The following WDPCP variants were observed in gnomAD, a reference collection of about 807,000 sequenced individuals.
The protein encoded by WDPCP is WD repeat containing planar cell polarity effector.
A neutral mutation model predicts 93.1 loss-of-function variants in WDPCP; 71 were observed. The ratio of observed to expected loss-of-function variants is 0.76; its 90% CI spans 0.63 to 0.93. WDPCP has a LOEUF of 0.93. Among genes scored for constraint, WDPCP ranks in the 40% least tolerant of loss-of-function variants. WDPCP has a pLI of 0.00. For missense variants in WDPCP, 844 were observed against 887.4 expected, an observed-to-expected ratio of 0.95 and a Z score of 0.62; for synonymous variants, 315 against 315.0, an observed-to-expected ratio of 1.00 and a Z score of 0.00.
At chr2:63,794,759 T>C (rs1261700259) in intron 2 of WDPCP, among the ~76,000 whole-genome samples, 3 of 152,226 alleles carry the variant, frequency 2.0e-5, no homozygotes, top group South Asian at 2.1e-4. Context: ...GCTGAAAGCA[T>C]TCTAAGTGAT....
intron 1 of WDPCP, among the ~76,000 whole-genome samples, chr2:63,825,479 G>A (rs1671099193): frequency 6.6e-6 from 1 of 152,008 alleles, no homozygotes; most frequent in African/African-American, 2.4e-5. Flanking sequence ...AGCACCTCGA[G>A]CCAAAAGAGT....
At chr2:63,520,535 A>G (rs1416476653) in intron 1 of WDPCP, among the ~76,000 whole-genome samples, 1 of 152,210 alleles carries the variant, frequency 6.6e-6, no homozygotes, top group African/African-American at 2.4e-5. Context: ...CTTACTGCAG[A>G]TCTGTCAGCA....
At chr2:63,835,981 A>G in the WDPCP span, among the ~76,000 whole-genome samples, 2 of 152,096 alleles carry the variant, frequency 1.3e-5, no homozygotes, top group Non-Finnish European at 2.9e-5. Flanking sequence ...TAGCCTCCCA[A>G]GTAGCTAGGA....
intron 1 of WDPCP, among the ~76,000 whole-genome samples, chr2:63,565,838 C>A (rs1245881980): frequency 2.0e-5 from 3 of 152,100 alleles, no homozygotes; most frequent in African/African-American, 4.8e-5. Flanking sequence ...AACTCTTATC[C>A]TTGACATCTC....
intron 14 of WDPCP, among the ~76,000 whole-genome samples, chr2:63,220,064 C>T (rs934776296): frequency 1.3e-5 from 2 of 151,984 alleles, no homozygotes; most frequent in Non-Finnish European, 2.9e-5. Flanking sequence ...AAGCCTTTGG[C>T]GACATTGACT....
At chr2:63,439,902 G>A in intron 6 of WDPCP, 31 bp from the exon 7 acceptor site, 2 of 1,527,428 alleles carry the variant, frequency 1.3e-6, no homozygotes, top group Non-Finnish European at 1.8e-6. Flanking sequence ...GAGAGAGGGA[G>A]GAAGACATGC....
chr2:63,485,064 G>T, intron 4 of WDPCP, 77 bp from the exon 5 acceptor site: 4 of 1,514,298 alleles, frequency 2.6e-6, no homozygotes, highest in Non-Finnish European at 3.7e-6. Context: ...GTGCCTTAGG[G>T]AGATTAAAAT....
At chr2:63,507,678 A>T (rs1701967762) in intron 1 of WDPCP, among the ~76,000 whole-genome samples, 1 of 152,104 alleles carries the variant, frequency 6.6e-6, no homozygotes, top group African/African-American at 2.4e-5. Context: ...AGGAAGCTAA[A>T]AACCTTGAAA....
chr2:63,365,927 G>C (rs1322688405), intron 12 of WDPCP, among the ~76,000 whole-genome samples: 1 of 152,144 alleles, frequency 6.6e-6, no homozygotes, highest in Non-Finnish European at 1.5e-5. Context: ...ACTTATTACA[G>C]ATATTCCTTA....
At chr2:63,742,793 A>G (rs1248418442) in intron 2 of WDPCP, among the ~76,000 whole-genome samples, 1 of 151,058 alleles carries the variant, frequency 6.6e-6, no homozygotes, top group Admixed American at 6.6e-5. Context: ...AAGCAGCACC[A>G]GGGAAACTCT....
intron 14 of WDPCP, among the ~76,000 whole-genome samples, chr2:63,185,698 G>T (rs1267764928): frequency 6.6e-6 from 1 of 152,136 alleles, no homozygotes; most frequent in Non-Finnish European, 1.5e-5. Context: ...TGACCTCCAG[G>T]CCAGTCAGTG....
At chr2:63,754,096 A>G (rs1267545383) in intron 2 of WDPCP, among the ~76,000 whole-genome samples, 1 of 152,242 alleles carries the variant, frequency 6.6e-6, no homozygotes, top group Non-Finnish European at 1.5e-5. Context: ...CAAACAGCAC[A>G]GCAGAGTTGT....
intron 1 of WDPCP, among the ~76,000 whole-genome samples, chr2:63,530,304 T>C (rs1703726483): frequency 6.6e-6 from 1 of 152,240 alleles, no homozygotes; most frequent in African/African-American, 2.4e-5. Context: ...GGGTGTCAAT[T>C]TTAGATCTTT....
chr2:63,237,838 G>A (rs1016199072), intron 14 of WDPCP, among the ~76,000 whole-genome samples: 1 of 152,098 alleles, frequency 6.6e-6, no homozygotes, highest in Non-Finnish European at 1.5e-5. Flanking sequence ...AGGAAAGAGG[G>A]AAAGAGAGGG....
At chr2:63,840,362 TGAG>T in the WDPCP span, among the ~76,000 whole-genome samples, 1 of 152,214 alleles carries the variant, frequency 6.6e-6, no homozygotes, top group African/African-American at 2.4e-5. Flanking sequence ...AAGCATCTCT[TGAG>T]GAGTAACTTA....
chr2:63,539,977 T>C (rs1352524631), intron 1 of WDPCP, among the ~76,000 whole-genome samples: 1 of 152,194 alleles, frequency 6.6e-6, no homozygotes, highest in African/African-American at 2.4e-5. Context: ...GGATATTCCA[T>C]TAAAAGGTTA....
intron 9 of WDPCP, among the ~76,000 whole-genome samples, chr2:63,418,978 G>GT (rs542587640): frequency 3.3e-5 from 5 of 152,026 alleles, no homozygotes; most frequent in South Asian, 2.1e-4. Flanking sequence ...TTTCTTGTTT[G>GT]TTTTTTTGCT....
intron 2 of WDPCP, among the ~76,000 whole-genome samples, chr2:63,790,313 T>A (rs1012842512): frequency 1.3e-5 from 2 of 152,210 alleles, no homozygotes; most frequent in Admixed American, 6.5e-5. Flanking sequence ...CTATGGATTC[T>A]GATACTCAGA....
chr2:63,837,450 C>A, the WDPCP span, among the ~76,000 whole-genome samples: 1 of 152,184 alleles, frequency 6.6e-6, no homozygotes, highest in South Asian at 2.1e-4. Context: ...CAGTGGATAA[C>A]TGTTGCCTGG....
Sources: allele counts gnomAD v4.1 joint callset (sites outside exome capture counted in the v4.1 genomes callset), GRCh38; gene constraint gnomAD v4.1.1; transcripts MANE v1.5; gene names NCBI Gene and HGNC (gene_info 2026-07-23, HGNC 2026-07-21).